The following MEI1 variants were observed in gnomAD, a reference collection of about 807,000 sequenced individuals.
The protein encoded by MEI1 is meiotic double-stranded break formation protein 1, also known as meiosis inhibitor protein 1.
Under a neutral mutation model 146.2 loss-of-function variants are expected in MEI1, and 103 were observed. The observed-to-expected ratio is 0.70, with a 90% CI of 0.60 to 0.83. MEI1 has a LOEUF of 0.83. Among genes scored for constraint, MEI1 ranks in the 40% least tolerant of loss-of-function variants. The pLI is 0.00. For synonymous variants in MEI1, 652 were observed against 628.2 expected (o/e 1.04, Z -0.57); for missense variants, 1,529 against 1,533.0 (o/e 1.00, Z 0.04).
Position 41,716,092 on chromosome 22 carries a change from G to T in MEI1, c.475G>T (p.Gly159Cys). 1 of 1,612,002 alleles carries T rather than the reference G, an allele frequency of 6.2e-7. No individual in the cohort carries two copies. Among genetic ancestry groups the T allele is most frequent in the South Asian group, 1.1e-5 (1 of 90,372 alleles). ...RGSLATLTLL[G>C]KLVDAIPALA... ...CAGCCTGGCCACCCTGACCCTTCTTGGCAAGTTGGTGGATGCCATCCCTGC... is the reference window on the plus strand; with the variant it reads ...CAGCCTGGCCACCCTGACCCTTCTTTGCAAGTTGGTGGATGCCATCCCTGC... The change falls in exon 5 of 31, where the codon GGC (glycine) becomes TGC (cysteine). Residue 159 changes from glycine to cysteine, a missense_variant. By Grantham distance (159) the Gly-to-Cys change is radical (BLOSUM62 -3). Coordinates refer to ENST00000401548, the MANE Select transcript of MEI1 (RefSeq NM_152513.4).
intron 4 of MEI1, among the ~76,000 whole-genome samples, chr22:41,715,348 A>G (rs1007856751): frequency 1.3e-5 from 2 of 152,150 alleles, no homozygotes; most frequent in African/African-American, 4.8e-5. Context: ...AGTGCCTGGT[A>G]TACAGAGAAT....
intron 18 of MEI1, 143 bp from the exon 19 acceptor site, chr22:41,763,031 A>G: frequency 1.2e-6 from 1 of 804,334 alleles, no homozygotes; most frequent in Non-Finnish European, 2.0e-6. Flanking sequence ...TATGTATAGC[A>G]CACTGTTTGT....
Position 41,752,748 on chromosome 22 carries a change from G to A in MEI1, c.1853+97G>A, listed in dbSNP as rs558452563. On this transcript the variant is annotated intron_variant, in intron 16 of 30. Coordinates refer to ENST00000401548, the MANE Select transcript of MEI1 (RefSeq NM_152513.4). ...GTTGGCTGGTGTGTTTTAGTCATGG[G>A]CTCATGGTGGTGTTGACATAGTGTC... 2.3e-5 allele frequency: 24 copies of A among 1,059,984 alleles called. No homozygotes were observed. In the African/African-American group the frequency reaches 3.0e-4, roughly 13 times the overall value. 65.7% of individuals were successfully genotyped at this position (1,059,984 alleles called of 1,614,324 possible).
rs377511326 is a variant in MEI1 at position 41,794,473 on chromosome 22, C to A, written c.3530C>A (p.Thr1177Asn). The A allele has an allele frequency of 3.1e-6, 5 of 1,612,646 alleles. No homozygotes were observed. The highest frequency in any genetic ancestry group is 4.2e-6 in the Non-Finnish European group (5 of 1,178,714). The change falls in exon 28 of 31, where the codon ACC becomes AAC. Residue 1177 changes from threonine to asparagine, a missense_variant. This residue lies in a region of MEI1 where 313 missense variants were observed against 337.3 expected (regional missense o/e 0.93). Coordinates refer to ENST00000401548, the MANE Select transcript of MEI1 (RefSeq NM_152513.4). The stretch of plus-strand genomic sequence containing the variant: ...AGACCTGAGATTTTGAGGCTCATGA[C>A]CCTGGTAAGTGCAGAAAGGATATCT... Reference protein sequence around the residue: ...FLRPEILRLMTLFMRYRSSSV... With the variant: ...FLRPEILRLMNLFMRYRSSSV...
At chr22:41,730,714 G>C (rs1462116683) in intron 9 of MEI1, 77 bp downstream of exon 9, 2 of 902,166 alleles carry the variant, frequency 2.2e-6, no homozygotes, top group African/African-American at 1.6e-5. Flanking sequence ...CGCAGTGATG[G>C]GGGGCTAGCC....
At position 41,778,740 on chromosome 22, in the gene MEI1, C is replaced by T; in HGVS notation, c.2743C>T (p.Leu915Phe). Residue 915 changes from leucine (L) to phenylalanine (F), a missense_variant, in exon 22 of 31, where the codon CTC (leucine) becomes TTC (phenylalanine). Leu to Phe is a conservative substitution (Grantham distance 22). Coordinates refer to ENST00000401548, the MANE Select transcript of MEI1 (RefSeq NM_152513.4). ...GAACCTACCATTGCTGCTGAGCCTC[C>T]TCTCCCTGATGCAGCTCAGGAATGT... ...SGNLPLLLSL[L>F]SLMQLRNVSE... 1 of 1,608,624 alleles carries T rather than the reference C, an allele frequency of 6.2e-7. No individual in the cohort carries two copies. Among genetic ancestry groups the T allele is most frequent in the Non-Finnish European group, 8.5e-7 (1 of 1,177,600 alleles).
At chr22:41,760,433 C>T (rs906074184) in intron 18 of MEI1, among the ~76,000 whole-genome samples, 9 of 151,878 alleles carry the variant, frequency 5.9e-5, no homozygotes, top group East Asian at 1.9e-4. Flanking sequence ...TGCTTGAACC[C>T]GGGAGGCGGA....
At chr22:41,728,682 T>C (rs561994863) in intron 7 of MEI1, among the ~76,000 whole-genome samples, 6 of 151,704 alleles carry the variant, frequency 4.0e-5, no homozygotes, top group Non-Finnish European at 7.4e-5. Context: ...CTGGGCAACA[T>C]GGTGAAACCC....
chr22:41,700,968 T>C (rs2068679673), intron 1 of MEI1, among the ~76,000 whole-genome samples: 2 of 150,096 alleles, frequency 1.3e-5, no homozygotes, highest in South Asian at 4.3e-4. Context: ...AGATGGAGTT[T>C]CACTCTTGTT....
intron 30 of MEI1, among the ~76,000 whole-genome samples, chr22:41,797,805 C>T (rs957439924): frequency 3.3e-5 from 5 of 152,004 alleles, no homozygotes; most frequent in African/African-American, 1.2e-4. Context: ...TCAACCTGTA[C>T]CTACCTCCTA....
At chr22:41,775,594 CTTTTT>C (rs532068296) in intron 20 of MEI1, among the ~76,000 whole-genome samples, 1 of 134,702 alleles carries the variant, frequency 7.4e-6, no homozygotes, top group Non-Finnish European at 1.6e-5. Context: ...TGGACCTATT[CTTTTT>C]TTTTTTTTTT....
At chr22:41,770,398 A>G (rs2075108434) in intron 19 of MEI1, among the ~76,000 whole-genome samples, 1 of 151,576 alleles carries the variant, frequency 6.6e-6, no homozygotes, top group Admixed American at 6.6e-5. Context: ...CAGCATCCCC[A>G]CTCTCTCCCT....
chr22:41,703,761 A>T (rs1226005435), intron 2 of MEI1, among the ~76,000 whole-genome samples: 1 of 152,204 alleles, frequency 6.6e-6, no homozygotes, highest in Admixed American at 6.5e-5. Context: ...AAGTGGGTAG[A>T]TCACTTGAGG....
At chr22:41,785,628 A>G (rs1002816757) in intron 26 of MEI1, among the ~76,000 whole-genome samples, 1 of 150,464 alleles carries the variant, frequency 6.6e-6, no homozygotes, top group African/African-American at 2.5e-5. Context: ...CAATGGTGCA[A>G]TCTTGGCTCA....
intron 7 of MEI1, among the ~76,000 whole-genome samples, chr22:41,725,030 T>C (rs2071198291): frequency 6.6e-6 from 1 of 151,970 alleles, no homozygotes; most frequent in African/African-American, 2.4e-5. Flanking sequence ...TCTCAACTCC[T>C]GGGCTCAAGT....
intron 12 of MEI1, 85 bp downstream of exon 12, chr22:41,743,279 T>C: frequency 1.1e-6 from 1 of 943,320 alleles, no homozygotes; most frequent in South Asian, 1.5e-5. Flanking sequence ...CTTACTTTTG[T>C]ATGCTATTTC....
At chr22:41,737,675 G>A (rs2072499730) in intron 11 of MEI1, among the ~76,000 whole-genome samples, 1 of 152,076 alleles carries the variant, frequency 6.6e-6, no homozygotes, top group Admixed American at 6.6e-5. Flanking sequence ...CCAAATAGCT[G>A]GAATTACAGG....
At chr22:41,761,308 GTTTTTTTTTTGT>G (rs1023461930) in intron 18 of MEI1, among the ~76,000 whole-genome samples, 2 of 122,062 alleles carry the variant, frequency 1.6e-5, no homozygotes, top group Non-Finnish European at 1.7e-5. Flanking sequence ...GAGACTCAGT[GTTTTTTTTTTGT>G]TTTTTTTTTT....
chr22:41,776,867 G>A (rs2075464968), intron 21 of MEI1, among the ~76,000 whole-genome samples: 1 of 151,904 alleles, frequency 6.6e-6, no homozygotes, highest in Admixed American at 6.6e-5. Context: ...ACGCTGGAGT[G>A]CAGTGGCAAG....
Sources: allele counts gnomAD v4.1 joint callset (sites outside exome capture counted in the v4.1 genomes callset), GRCh38; gene constraint gnomAD v4.1.1; regional missense constraint gnomAD v4.1.1; transcripts MANE v1.5; gene names NCBI Gene and HGNC (gene_info 2026-07-23, HGNC 2026-07-21).